LSS: variants seen among roughly 807,000 people sequenced by gnomAD.
LSS encodes lanosterol synthase.
Under a neutral mutation model 110.3 loss-of-function variants are expected in LSS, and 90 were observed. That is an observed-to-expected ratio of 0.82 (90% confidence interval 0.69 to 0.97). The LOEUF (loss-of-function observed/expected upper bound fraction) is 0.97. Among genes scored for constraint, LSS ranks in the 50% least tolerant of loss-of-function variants. The pLI is 0.00. For missense variants in LSS, 927 were observed against 990.0 expected (o/e 0.94, Z 0.85); for synonymous variants, 433 against 400.0 (o/e 1.08, Z -0.98).
intron 9 of LSS, among the ~76,000 whole-genome samples, 180 bp downstream of exon 9, chr21:46,215,000 C>T (rs1038744949): frequency 6.6e-6 from 1 of 152,018 alleles, no homozygotes; most frequent in Non-Finnish European, 1.5e-5. Flanking sequence ...CTGAGCTGGG[C>T]GTGCAGGGGT....
At chr21:46,225,316 C>T (rs941667939) in intron 3 of LSS, 2 of 444,256 alleles carry the variant, frequency 4.5e-6, no homozygotes, top group African/African-American at 2.0e-5. Flanking sequence ...CGGACAAGGC[C>T]ACTAGAGGGC....
intron 3 of LSS, chr21:46,225,391 G>A (rs756584036): frequency 4.4e-6 from 2 of 453,516 alleles, no homozygotes; most frequent in African/African-American, 4.0e-5. Flanking sequence ...CCCAACCGTG[G>A]TCTAGCGGTA....
At chr21:46,203,251 G>C in intron 17 of LSS, among the ~76,000 whole-genome samples, 1 of 152,130 alleles carries the variant, frequency 6.6e-6, no homozygotes, top group Non-Finnish European at 1.5e-5. Context: ...GGTTAAAATG[G>C]GGAAAAGCTA....
In LSS at chr21:46,221,866, G is replaced by C; in HGVS notation, c.538C>G (p.Leu180Val). The C allele has an allele frequency of 6.2e-7, 1 of 1,614,126 alleles. No individual in the cohort carries two copies. Among genetic ancestry groups the C allele is most frequent in the South Asian group, 1.1e-5 (1 of 91,086 alleles). Residue 180 changes from leucine to valine, a missense_variant, in exon 5 of 22, where the codon CTT (leucine) becomes GTT (valine). By Grantham distance (32) the Leu-to-Val change is conservative. Transcript: ENST00000397728. The part of the protein sequence containing the change: ...DPDLVRARNI[L>V]HKKGGAVAIP... ...GCACATGCCGTACCTTTCTTGTGAA[G>C]AATGTTCCGGGCTCGTACCAGGTCA... is the stretch of plus-strand genomic sequence containing the variant.
rs569667686 is a variant in LSS at position 46,210,806 on chromosome 21, T to A, written c.1138-62A>T. 129 of 1,535,776 alleles carry A rather than the reference T, an allele frequency of 8.4e-5. No individual in the cohort carries two copies. The Middle Eastern group carries it at 3.5e-3, about 42-fold the overall frequency. On this transcript the variant is annotated intron_variant, in intron 11 of 21. Coordinates refer to ENST00000397728, the MANE Select transcript of LSS (RefSeq NM_002340.6). ...GCCCCTCCCACTCCCAGCCACTGCC[T>A]CCAGGATCCAATGGGCGCCTGAGGG...
chr21:46,226,071 G>C (rs541527542), intron 3 of LSS, among the ~76,000 whole-genome samples: 76 of 151,702 alleles, frequency 5.0e-4, no homozygotes, highest in Non-Finnish European at 7.5e-4. Context: ...AGGAGGCAGA[G>C]GCTGCAACGA....
In LSS at chr21:46,228,469, T is replaced by A; in HGVS notation, c.145A>T (p.Thr49Ser). The A allele has an allele frequency of 6.2e-7, 1 of 1,603,664 alleles. No individual in the cohort carries two copies. Among genetic ancestry groups the A allele is most frequent in the Non-Finnish European group, 8.5e-7 (1 of 1,179,594 alleles). The change falls in exon 2 of 22, where the codon ACC becomes TCC. Residue 49 changes from threonine (T) to serine (S), a missense_variant. Coordinates refer to ENST00000397728, the MANE Select transcript of LSS (RefSeq NM_002340.6). ...CCCAGGGCGTAGGCTTCCAGGCCGGTCTGCTCGCGGCCGGCGCGCTCGTCC... is the reference window on the plus strand; with the variant it reads ...CCCAGGGCGTAGGCTTCCAGGCCGGACTGCTCGCGGCCGGCGCGCTCGTCC... ...LQDERAGREQ[T>S]GLEAYALGLD...
Position 46,215,753 on chromosome 21 carries a change from G to A in LSS, c.824C>T (p.Ala275Val), listed in dbSNP as rs201335609. The change falls in exon 8 of 22, where the codon GCG becomes GTG. Residue 275 changes from alanine (A) to valine (V), a missense_variant. Coordinates refer to ENST00000397728, the MANE Select transcript of LSS (RefSeq NM_002340.6). The part of the protein sequence containing the change: ...VEDFASIDWL[A>V]QRNNVAPDEL... ...GTCGGGGGCCACGTTGTTCCTCTGC[G>A]CCAGCCAGTCAATGCTGGCGAAGTC... 2.7e-5 allele frequency: 43 copies of A among 1,611,808 alleles called. 1 individual carries two copies. In the East Asian group the frequency reaches 7.1e-4, roughly 27 times the overall value.
chr21:46,227,716 A>G (rs201133263), intron 2 of LSS, 26 bp from the exon 3 acceptor site: 5 of 1,298,990 alleles, frequency 3.8e-6, no homozygotes, highest in East Asian at 2.3e-5. Context: ...AAAAAAAAAA[A>G]AGAGATAGCT....
chr21:46,212,875 C>G (rs1020062895), intron 11 of LSS, 150 bp downstream of exon 11: 18 of 862,002 alleles, frequency 2.1e-5, no homozygotes, highest in Non-Finnish European at 3.0e-5. Context: ...CCCACAGGGA[C>G]ACGGCCAGAG....
chr21:46,210,836 G>C (rs2080120123), intron 11 of LSS, 92 bp from the exon 12 acceptor site: 11 of 1,237,668 alleles, frequency 8.9e-6, no homozygotes, highest in African/African-American at 1.5e-5. Context: ...TGAGGGCCAG[G>C]TGTGGGGGCT....
Position 46,188,734 on chromosome 21 carries a change from G to T in LSS, c.*2370C>A. Reference sequence around the variant, plus strand: ...ACAGATGTGATTTCTAAAGAAGACTGAAGGCAGGGATACTGACACTGAAGT... The same window carrying T: ...ACAGATGTGATTTCTAAAGAAGACTTAAGGCAGGGATACTGACACTGAAGT... On this transcript the variant is annotated 3_prime_UTR_variant, in exon 22 of 22. Transcript: ENST00000397728. The T allele has an allele frequency of 2.1e-6, 1 of 471,218 alleles. No individual in the cohort carries two copies. The highest frequency in any genetic ancestry group is 4.4e-6 in the Non-Finnish European group (1 of 227,086). 29.2% of individuals were successfully genotyped at this position (471,218 alleles called of 1,614,324 possible). A position where few individuals can be genotyped will look rare whatever the true frequency, so the allele number is the denominator to read the frequency against.
intron 15 of LSS, 95 bp from the exon 16 acceptor site, chr21:46,206,863 C>T: frequency 1.1e-6 from 1 of 890,086 alleles, no homozygotes; most frequent in Non-Finnish European, 1.8e-6. Flanking sequence ...AACACTAGGG[C>T]TGACAACCGA....
At chr21:46,202,839 T>C (rs2079996915) in intron 17 of LSS, among the ~76,000 whole-genome samples, 1 of 152,240 alleles carries the variant, frequency 6.6e-6, no homozygotes, top group African/African-American at 2.4e-5. Flanking sequence ...ATTTTGCTAC[T>C]GCACTCCAGC....
At position 46,215,713 on chromosome 21, in the gene LSS, C is replaced by T. The variant is rs9980968; in HGVS notation, c.864G>A (p.Pro288=). The change falls in exon 8 of 22, where the codon CCG becomes CCA. Residue 288 remains proline (P), a synonymous_variant. Transcript: ENST00000397728. ...NNVAPDELYT[P]HSWLLRVVYA... ...ATACCACGCGGAGCAGCCAGCTGTG[C>T]GGCGTGTACAGCTCGTCGGGGGCCA... is the stretch of plus-strand genomic sequence containing the variant. 115 of 1,611,436 alleles carry T rather than the reference C, an allele frequency of 7.1e-5. No individual in the cohort carries two copies. In the Middle Eastern group the frequency reaches 8.3e-4, roughly 12 times the overall value.
chr21:46,228,016 A>T (rs1174004114), intron 2 of LSS, among the ~76,000 whole-genome samples: 1 of 152,126 alleles, frequency 6.6e-6, no homozygotes, highest in Non-Finnish European at 1.5e-5. Flanking sequence ...CCTCTCAAAG[A>T]GGGCCCAAGG....
chr21:46,201,801 C>CT (rs35255202), intron 17 of LSS, among the ~76,000 whole-genome samples: 39,818 of 144,646 alleles, frequency 0.28, 6,438 homozygotes, highest in Non-Finnish European at 0.37. Flanking sequence ...AGTTTAAAAT[C>CT]TTTTTTTTTT....
chr21:46,195,199 C>G (rs2079893204), intron 19 of LSS, among the ~76,000 whole-genome samples: 1 of 152,210 alleles, frequency 6.6e-6, no homozygotes, highest in African/African-American at 2.4e-5. Context: ...AAGCGTCCCT[C>G]CAGCATACAT....
chr21:46,215,574 G>A (rs999225174), intron 8 of LSS, 111 bp downstream of exon 8: 2 of 744,026 alleles, frequency 2.7e-6, no homozygotes, highest in Non-Finnish European at 2.2e-6. Flanking sequence ...CTGGGGCCTG[G>A]CACAGAGGAG....
Sources: gnomAD v4.1 joint callset for allele counts (sites outside exome capture counted in the v4.1 genomes callset) on GRCh38, gnomAD v4.1.1 for gene constraint, MANE v1.5 for transcripts, NCBI Gene and HGNC (gene_info 2026-07-23, HGNC 2026-07-21) for gene names.